The following FAM222B variants were observed in gnomAD, a reference collection of about 807,000 sequenced individuals.
The protein encoded by FAM222B is protein FAM222B.
FAM222B carries 12 observed loss-of-function variants against 38.0 expected under a neutral mutation model. The ratio of observed to expected loss-of-function variants is 0.32; its 90% CI spans 0.20 to 0.51. FAM222B has a LOEUF of 0.51. FAM222B is among the 20% of genes least tolerant of loss of function. FAM222B has a pLI of 0.97. For missense variants in FAM222B, 716 were observed against 754.2 expected, an observed-to-expected ratio of 0.95 and a Z score of 0.59; for synonymous variants, 329 against 317.2, an observed-to-expected ratio of 1.04 and a Z score of -0.40.
At chr17:28,810,166 T>C (rs1263067675) in intron 1 of FAM222B, among the ~76,000 whole-genome samples, 2 of 151,820 alleles carry the variant, frequency 1.3e-5, no homozygotes, top group Non-Finnish European at 2.9e-5. Context: ...CCAGCTAATT[T>C]TTTTATGTTT....
At chr17:28,815,551 G>A (rs545847439) in intron 1 of FAM222B, among the ~76,000 whole-genome samples, 1 of 152,226 alleles carries the variant, frequency 6.6e-6, no homozygotes, top group East Asian at 1.9e-4. Flanking sequence ...AGCGGGCCAG[G>A]TGCAGTGGCT....
Position 28,758,759 on chromosome 17 carries a change from C to A in FAM222B, c.1200G>T (p.Gly400=). 1 of 1,574,370 alleles carries A rather than the reference C, an allele frequency of 6.4e-7. No homozygotes were observed. The highest frequency in any genetic ancestry group is 8.6e-7 in the Non-Finnish European group (1 of 1,158,332). ...GKHAAGRELA[G]PGFVGKAPAY... is the part of the protein sequence containing the mutation. ...CAGGGGCCTTGCCCACAAAGCCAGG[C>A]CCTGCCAACTCGCGTCCTGCCGCAT... is the stretch of plus-strand genomic sequence containing the variant. The change falls in exon 3 of 3, where the codon GGG becomes GGT. Residue 400 remains glycine, a synonymous_variant. Coordinates refer to ENST00000581407, the MANE Select transcript of FAM222B (RefSeq NM_001077498.3).
At chr17:28,847,893 G>T (rs1008699910) in intron 1 of FAM222B, among the ~76,000 whole-genome samples, 3 of 146,682 alleles carry the variant, frequency 2.0e-5, no homozygotes, top group African/African-American at 7.6e-5. Context: ...CGGCCTGGGC[G>T]AAAGAGCGAG....
intron 1 of FAM222B, among the ~76,000 whole-genome samples, chr17:28,794,311 C>T (rs887830111): frequency 2.6e-5 from 4 of 151,640 alleles, no homozygotes; most frequent in Non-Finnish European, 4.4e-5. Flanking sequence ...TTCCATCTCC[C>T]GGGTTCAAGC....
At chr17:28,792,000 G>C (rs1474914720) in intron 1 of FAM222B, among the ~76,000 whole-genome samples, 3 of 150,736 alleles carry the variant, frequency 2.0e-5, no homozygotes, top group African/African-American at 7.3e-5. Context: ...AGCAAAGTGA[G>C]ACCATGTCTA....
intron 1 of FAM222B, among the ~76,000 whole-genome samples, chr17:28,836,424 G>A (rs2038848099): frequency 6.6e-6 from 1 of 152,040 alleles, no homozygotes; most frequent in African/African-American, 2.4e-5. Flanking sequence ...CGGGCTTGTA[G>A]CAGGACAAGC....
chr17:28,756,537 G>A lies in FAM222B; in HGVS notation c.*1733C>T, dbSNP rs144723098. On this transcript the variant is annotated 3_prime_UTR_variant, in exon 3 of 3. Transcript: ENST00000581407. ...TGCTCTTTAAATCTGACTCAGAAAA[G>A]CAGGAACTGGAAGAGGGCCCTGGGT... 6.2e-3 allele frequency: 944 copies of A among 152,646 alleles called. 5 individuals carry two copies. The highest frequency in any genetic ancestry group is 0.01 in the Non-Finnish European group (695 of 68,100). 9.5% of individuals were successfully genotyped at this position (152,646 alleles called of 1,614,324 possible). A position where few individuals can be genotyped will look rare whatever the true frequency, so the allele number is the denominator to read the frequency against.
chr17:28,831,421 T>C (rs900537210), intron 1 of FAM222B, among the ~76,000 whole-genome samples: 15 of 152,050 alleles, frequency 9.9e-5, no homozygotes, highest in Admixed American at 7.2e-4. Context: ...GTCTTCCAAC[T>C]CTGTTGTCCT....
chr17:28,832,268 A>G (rs2038694982), intron 1 of FAM222B, among the ~76,000 whole-genome samples: 2 of 152,176 alleles, frequency 1.3e-5, no homozygotes, highest in Admixed American at 1.3e-4. Flanking sequence ...TCTAATATCT[A>G]TTTTTCAAGA....
intron 1 of FAM222B, among the ~76,000 whole-genome samples, chr17:28,816,789 G>A (rs966147689): frequency 6.6e-6 from 1 of 152,056 alleles, no homozygotes; most frequent in Non-Finnish European, 1.5e-5. Flanking sequence ...TTGTTCATTA[G>A]ACTTCAAGAG....
At chr17:28,844,175 A>G (rs2039122674), upstream of FAM222B, among the ~76,000 whole-genome samples, 1 of 152,134 alleles carries the variant, frequency 6.6e-6, no homozygotes, top group African/African-American at 2.4e-5. Flanking sequence ...AACAAAACAG[A>G]CTTGAAAGCA....
intron 1 of FAM222B, among the ~76,000 whole-genome samples, chr17:28,779,774 A>ATAAAT (rs1293003284): frequency 1.3e-5 from 2 of 151,278 alleles, no homozygotes; most frequent in African/African-American, 2.4e-5. Flanking sequence ...AAATAAATAA[A>ATAAAT]TAAATAAATA....
chr17:28,787,890 T>A (rs2036487935), intron 1 of FAM222B, among the ~76,000 whole-genome samples: 1 of 144,266 alleles, frequency 6.9e-6, no homozygotes, highest in Admixed American at 7.3e-5. Context: ...AATGGCACGA[T>A]CTTGGCTCAC....
At chr17:28,814,275 A>G (rs891110661) in intron 1 of FAM222B, among the ~76,000 whole-genome samples, 1 of 152,156 alleles carries the variant, frequency 6.6e-6, no homozygotes, top group Non-Finnish European at 1.5e-5. Context: ...CAAGTGCATA[A>G]CATTAAATAT....
chr17:28,814,760 C>T (rs1178661690), intron 1 of FAM222B, among the ~76,000 whole-genome samples: 1 of 150,468 alleles, frequency 6.6e-6, no homozygotes, highest in Non-Finnish European at 1.5e-5. Context: ...AGCCAACGTG[C>T]CAGGCCGATC....
chr17:28,839,057 A>G (rs1439791197), intron 1 of FAM222B, among the ~76,000 whole-genome samples: 1 of 151,828 alleles, frequency 6.6e-6, no homozygotes, highest in South Asian at 2.1e-4. Flanking sequence ...ATGAAAAGAA[A>G]TTAGCCAGGC....
chr17:28,814,927 C>A (rs560106959), intron 1 of FAM222B, among the ~76,000 whole-genome samples: 1 of 151,780 alleles, frequency 6.6e-6, no homozygotes, highest in East Asian at 1.9e-4. Context: ...GCACGAGCCA[C>A]CGTGCCCGGC....
intron 2 of FAM222B, among the ~76,000 whole-genome samples, chr17:28,761,824 G>A (rs2035086804): frequency 6.6e-6 from 1 of 152,148 alleles, no homozygotes; most frequent in Non-Finnish European, 1.5e-5. Flanking sequence ...CTAAACTCAA[G>A]ACATCAGAAT....
chr17:28,782,855 C>T (rs891709616), intron 1 of FAM222B, among the ~76,000 whole-genome samples: 1 of 151,912 alleles, frequency 6.6e-6, no homozygotes, highest in Non-Finnish European at 1.5e-5. Flanking sequence ...CGAACAAACT[C>T]GGCCGGGCGC....
Sources: allele counts gnomAD v4.1 joint callset (sites outside exome capture counted in the v4.1 genomes callset), GRCh38; gene constraint gnomAD v4.1.1; transcripts MANE v1.5; gene names NCBI Gene and HGNC (gene_info 2026-07-23, HGNC 2026-07-21).